CD63: variants seen among roughly 807,000 people sequenced by gnomAD.
CD63 encodes CD63 molecule.
CD63 carries 16 observed loss-of-function variants against 29.2 expected under a neutral mutation model. That is an observed-to-expected ratio of 0.55 (90% CI 0.37 to 0.83). The LOEUF is 0.83. Among genes scored for constraint, CD63 ranks in the 40% least tolerant of loss-of-function variants. CD63 has a pLI of 0.00. For missense variants in CD63, 251 were observed against 297.3 expected, an observed-to-expected ratio of 0.84 and a Z score of 1.15; for synonymous variants, 118 against 111.7, an observed-to-expected ratio of 1.06 and a Z score of -0.36.
In CD63 at chr12:55,728,756, A is replaced by C. The variant is rs1441179935; in HGVS notation, c.-12+197T>G. The C allele has an allele frequency of 3.5e-4, 247 of 712,450 alleles. 2 individuals are homozygous for C. In the African/African-American group the frequency reaches 0.012, roughly 34 times the overall value. The allele number at this position is 712,450 out of a possible 1,614,324, so 44.1% of individuals were successfully genotyped here. On this transcript the variant is annotated intron_variant, in intron 1 of 7. Transcript: ENST00000257857. The surrounding 1 kb of genome is among the most constrained non-coding windows in gnomAD (Gnocchi z 4.8). Reference sequence around the variant, plus strand: ...CCCCTGGGCTCTGACCTCCCCGCCCACCAAAAAAAAAAAAAGTGCAGCCAG... The same window carrying C: ...CCCCTGGGCTCTGACCTCCCCGCCCCCCAAAAAAAAAAAAAGTGCAGCCAG...
chr12:55,725,588 A>G lies in CD63; in HGVS notation c.690T>C (p.Ser230=). ...GIVFACCLVK[S]IRSGYEVM is the part of the protein sequence containing the mutation. ...ACATCACCTCGTAGCCACTTCTGAT[A>G]CTCTTCACGAGGCAGCAGGCAAAGA... is the stretch of plus-strand genomic sequence containing the variant. The change falls in exon 8 of 8, where the codon AGT becomes AGC. Residue 230 remains serine (S), a synonymous_variant. Transcript: ENST00000257857. 1 of 1,613,942 alleles carries G rather than the reference A, an allele frequency of 6.2e-7. No homozygotes were observed. Among genetic ancestry groups the G allele is most frequent in the Non-Finnish European group, 8.5e-7 (1 of 1,179,986 alleles).
In CD63 at chr12:55,728,738, G is replaced by A. The variant is rs1400517459; in HGVS notation, c.-12+215C>T. On this transcript the variant is annotated intron_variant, in intron 1 of 7. Coordinates refer to ENST00000257857, the MANE Select transcript of CD63 (RefSeq NM_001780.6). This position sits in a 1 kb window ranked among gnomAD's most constrained non-coding sequence, Gnocchi z 4.8. Reference sequence around the variant, plus strand: ...CCCCGCCCCAGCCCCTTTCCCCTGGGCTCTGACCTCCCCGCCCACCAAAAA... The same window carrying A: ...CCCCGCCCCAGCCCCTTTCCCCTGGACTCTGACCTCCCCGCCCACCAAAAA... The A allele has an allele frequency of 7.0e-6, 7 of 1,003,036 alleles. No homozygotes were observed. The African/African-American group carries it at 1.2e-4, about 18-fold the overall frequency. 62.1% of individuals were successfully genotyped at this position (1,003,036 alleles called of 1,614,324 possible). A position where few individuals can be genotyped will look rare whatever the true frequency, so the allele number is the denominator to read the frequency against.
chr12:55,724,832 C>G, downstream of CD63: 1 of 517,900 alleles, frequency 1.9e-6, no homozygotes, highest in Non-Finnish European at 3.5e-6. Flanking sequence ...TCTACAGCTG[C>G]ACGTCGGGGA....
downstream of CD63, chr12:55,723,660 T>C: frequency 1.8e-6 from 1 of 565,652 alleles, no homozygotes; most frequent in African/African-American, 1.9e-5. Flanking sequence ...TCTCTGGCCC[T>C]TTAAGAAAAA....
chr12:55,727,739 T>G, intron 2 of CD63: 1 of 1,031,088 alleles, frequency 9.7e-7, no homozygotes, highest in Non-Finnish European at 1.2e-6. Context: ...TCTGGCCAGT[T>G]AGGCCAGGAG....
chr12:55,727,269 C>T lies in CD63; in HGVS notation c.137G>A (p.Gly46Glu). 6.2e-7 allele frequency: 1 copy of T among 1,613,858 alleles called. No homozygotes were observed. Among genetic ancestry groups the T allele is most frequent in the Middle Eastern group, 1.6e-4 (1 of 6,062 alleles). The change falls in exon 3 of 8, where the codon GGG becomes GAG. Residue 46 changes from glycine to glutamate, a missense_variant. By Grantham distance (98) the Gly-to-Glu change is moderately conservative (BLOSUM62 -2). Transcript: ENST00000257857. ...TGGCAACAGAGAGCCAGGGGTAGCC[C>T]CCTGGATTATGGTCTGACTCAGGAC... ...QLVLSQTIIQ[G>E]ATPGSLLPVV...
chr12:55,724,027 TG>T (rs753378940), downstream of CD63: 16 of 1,611,650 alleles, frequency 9.9e-6, no homozygotes, highest in Non-Finnish European at 1.0e-5. Flanking sequence ...AGGCCCACTA[TG>T]GGGGGGCCTT....
At position 55,725,810 on chromosome 12, in the gene CD63, T is replaced by TA; in HGVS notation, c.651+2dup. ...CCAGCCCCTGCTCAGGGTTATCTCT[T>TA]ACCTCGACAAAAGCAATTCCAAGGG... On this transcript the variant is annotated splice_region_variant and intron_variant, in intron 7 of 7. Transcript: ENST00000257857. The TA allele has an allele frequency of 6.2e-7, 1 of 1,613,814 alleles. No individual in the cohort carries two copies. Among genetic ancestry groups the TA allele is most frequent in the South Asian group, 1.1e-5 (1 of 91,084 alleles).
upstream of CD63, chr12:55,729,162 G>A (rs938172154): frequency 7.1e-6 from 7 of 982,484 alleles, no homozygotes; most frequent in Non-Finnish European, 8.5e-6. Flanking sequence ...GGGGTGGGCC[G>A]AGCCCCCCGC....
In CD63 at chr12:55,728,434, G is replaced by A; in HGVS notation, c.-11-82C>T. ...CCGGGCTCCCGGCCGGCCCTCGAGG[G>A]CTTCCCTTCACGGCCCCGATTCCCG... On this transcript the variant is annotated intron_variant, in intron 1 of 7. Coordinates refer to ENST00000257857, the MANE Select transcript of CD63 (RefSeq NM_001780.6). This position sits in a 1 kb window ranked among gnomAD's most constrained non-coding sequence, Gnocchi z 4.8. 2 of 1,536,880 alleles carry A rather than the reference G, an allele frequency of 1.3e-6. No individual in the cohort carries two copies. Among genetic ancestry groups the A allele is most frequent in the South Asian group, 2.4e-5 (2 of 83,102 alleles).
chr12:55,728,884 C>G lies in CD63; in HGVS notation c.-12+69G>C, dbSNP rs2136156440. 1 of 987,628 alleles carries G rather than the reference C, an allele frequency of 1.0e-6. No homozygotes were observed. The allele number at this position is 987,628 out of a possible 1,614,324, so 61.2% of individuals were successfully genotyped here. ...AGTCTCCGCGGGCCTGGGGCGAGCC[C>G]TGGAGGAAGGGACTGCGGGTGGTCT... On this transcript the variant is annotated intron_variant, in intron 1 of 7. Coordinates refer to ENST00000257857, the MANE Select transcript of CD63 (RefSeq NM_001780.6). This position sits in a 1 kb window ranked among gnomAD's most constrained non-coding sequence, Gnocchi z 4.8.
At chr12:55,727,911 T>C (rs902669735) in intron 2 of CD63, 2 of 1,128,750 alleles carry the variant, frequency 1.8e-6, no homozygotes, top group African/African-American at 3.3e-5. Context: ...TGGACAGGGA[T>C]GAGAGGGTTG....
chr12:55,725,410 G>A lies in CD63; in HGVS notation c.*151C>T, dbSNP rs1156283251. The A allele has an allele frequency of 4.3e-6, 3 of 701,786 alleles. No individual in the cohort carries two copies. The highest frequency in any genetic ancestry group is 3.9e-4 in the Middle Eastern group (1 of 2,550). 43.5% of individuals were successfully genotyped at this position (701,786 alleles called of 1,614,324 possible). A position where few individuals can be genotyped will look rare whatever the true frequency, so the allele number is the denominator to read the frequency against. On this transcript the variant is annotated 3_prime_UTR_variant, in exon 8 of 8. Coordinates refer to ENST00000257857, the MANE Select transcript of CD63 (RefSeq NM_001780.6). ...ATGCATTAAGGTCCCAGAGGACAGG[G>A]AACATCAGTAAGGAAAGGAAGGAAT...
rs199930434 is a variant in CD63, at chr12:55,728,377, G to T, written c.-11-25C>A. On this transcript the variant is annotated intron_variant, in intron 1 of 7. Transcript: ENST00000257857. The surrounding 1 kb of genome is among the most constrained non-coding windows in gnomAD (Gnocchi z 4.8). ...CCTGGGGCAGAGGGGAGGGCGGGGG[G>T]ATTAAAACTGGCCGAAGGGGGACCT... is the stretch of plus-strand genomic sequence containing the variant. The T allele has an allele frequency of 1.3e-6, 2 of 1,594,804 alleles. No homozygotes were observed. The highest frequency in any genetic ancestry group is 1.3e-5 in the African/African-American group (1 of 74,712).
downstream of CD63, chr12:55,724,809 G>T: frequency 1.8e-6 from 1 of 549,110 alleles, no homozygotes; most frequent in Non-Finnish European, 3.3e-6. Flanking sequence ...GGGCGCCAGG[G>T]AACTGCCTCA....
chr12:55,724,681 G>A, downstream of CD63: 1 of 916,690 alleles, frequency 1.1e-6, no homozygotes, highest in South Asian at 1.4e-5. Flanking sequence ...TAAAAAGAAG[G>A]TGGGCAGAAA....
chr12:55,725,789 C>T (rs1353054244), intron 7 of CD63, 24 bp downstream of exon 7: 1 of 1,607,346 alleles, frequency 6.2e-7, no homozygotes, highest in South Asian at 1.1e-5. Context: ...AGAGTCCCAG[C>T]CCCTGCTCAG....
At chr12:55,729,015 C>A, upstream of CD63, 1 of 985,390 alleles carries the variant, frequency 1.0e-6, no homozygotes, top group Non-Finnish European at 1.2e-6. Context: ...TCTCTAGCTG[C>A]GCCCCCCGGC....
chr12:55,728,001 G>T lies in CD63; in HGVS notation c.66+275C>A. On this transcript the variant is annotated intron_variant, in intron 2 of 7. Coordinates refer to ENST00000257857, the MANE Select transcript of CD63 (RefSeq NM_001780.6). The surrounding 1 kb of genome is among the most constrained non-coding windows in gnomAD (Gnocchi z 4.8). ...CAGGCGGTTGGCTGGTTGCCCCACT[G>T]CCCCATATCACAAGTGGTTGGGTCA... is the stretch of plus-strand genomic sequence containing the variant. 2.0e-6 allele frequency: 2 copies of T among 1,024,560 alleles called. No homozygotes were observed. The highest frequency in any genetic ancestry group is 2.6e-6 in the Non-Finnish European group (2 of 754,962). 63.5% of individuals were successfully genotyped at this position (1,024,560 alleles called of 1,614,324 possible).
Sources: allele counts gnomAD v4.1 joint callset, GRCh38; gene constraint gnomAD v4.1.1; non-coding constraint Gnocchi (gnomAD v3.1); transcripts MANE v1.5; gene names NCBI Gene and HGNC (gene_info 2026-07-23, HGNC 2026-07-21).